The following SAXO1 variants were observed in gnomAD, a reference collection of about 807,000 sequenced individuals.
SAXO1 encodes the protein stabilizer of axonemal microtubules 1.
In SAXO1, 21 loss-of-function variants were observed where a neutral mutation model predicts 17.5. The observed-to-expected ratio is 1.20, with a 90% confidence interval of 0.85 to 1.72. SAXO1 has a LOEUF of 1.72. Among genes scored for constraint, SAXO1 ranks in the 40% most tolerant of loss-of-function variants. SAXO1 has a pLI of 0.00. For missense variants in SAXO1, 843 were observed against 596.0 expected (o/e 1.41, Z -4.32); for synonymous variants, 274 against 216.5 (o/e 1.27, Z -2.33).
chr9:19,046,903 A>G (rs962537464), intron 1 of SAXO1, among the ~76,000 whole-genome samples: 3 of 150,606 alleles, frequency 2.0e-5, no homozygotes, highest in Admixed American at 6.6e-5. Context: ...AAAAGAAAAG[A>G]AGGCCAGGCG....
intron 1 of SAXO1, among the ~76,000 whole-genome samples, chr9:19,010,354 G>T (rs1453709897): frequency 1.3e-5 from 2 of 151,946 alleles, no homozygotes; most frequent in Non-Finnish European, 2.9e-5. Context: ...TTCTGAATCA[G>T]TCTTTCCATC....
At chr9:19,026,882 A>G (rs1835495956) in intron 1 of SAXO1, 1 of 706,798 alleles carries the variant, frequency 1.4e-6, no homozygotes. Context: ...TTCAAAAACT[A>G]GAAAAGAAGA....
intron 1 of SAXO1, among the ~76,000 whole-genome samples, chr9:18,980,357 G>C (rs1206939133): frequency 6.6e-6 from 1 of 151,996 alleles, no homozygotes; most frequent in Non-Finnish European, 1.5e-5. Flanking sequence ...GCTGTGGTAG[G>C]TCATATTTGG....
intron 1 of SAXO1, among the ~76,000 whole-genome samples, chr9:18,975,138 G>T (rs1368591777): frequency 6.6e-6 from 1 of 152,198 alleles, no homozygotes; most frequent in African/African-American, 2.4e-5. Flanking sequence ...GAGATTTCCA[G>T]GGGAAGTTGG....
At chr9:18,957,747 G>T (rs577172594) in intron 1 of SAXO1, among the ~76,000 whole-genome samples, 1 of 152,118 alleles carries the variant, frequency 6.6e-6, no homozygotes, top group African/African-American at 2.4e-5. Context: ...CCTTCTCAAA[G>T]AAGGATCTAT....
In SAXO1 at chr9:19,027,199, A is replaced by C. The variant is rs1048831612; in HGVS notation, c.38+5672T>G. On this transcript the variant is annotated intron_variant, in intron 1 of 3. Transcript: ENST00000380534. ...ATTGACCTGGACTCCCAGAGGAAGG[A>C]CAAGTGTGCTGTGATCAAAACCTCT... 3 of 1,183,490 alleles carry C rather than the reference A, an allele frequency of 2.5e-6. No homozygotes were observed. The Admixed American group carries it at 5.1e-5, about 20-fold the overall frequency. The allele number at this position is 1,183,490 out of a possible 1,614,324, so 73.3% of individuals were successfully genotyped here.
chr9:18,947,648 A>G (rs1209377138), intron 2 of SAXO1: 2 of 152,190 alleles, frequency 1.3e-5, no homozygotes, highest in Non-Finnish European at 2.9e-5. Context: ...TGACATGCCT[A>G]TGGGGAAATG....
intron 1 of SAXO1, among the ~76,000 whole-genome samples, chr9:18,997,738 G>T (rs1184069622): frequency 2.6e-5 from 4 of 152,114 alleles, no homozygotes; most frequent in African/African-American, 9.6e-5. Flanking sequence ...TCATACAGGT[G>T]GGTGCCGATC....
chr9:19,005,946 A>AC (rs1834466771), intron 1 of SAXO1, among the ~76,000 whole-genome samples: 1 of 151,666 alleles, frequency 6.6e-6, no homozygotes, highest in Non-Finnish European at 1.5e-5. Context: ...AAAACAAAAA[A>AC]AACAAACAAA....
At chr9:18,935,188 A>G (rs1399262243) in intron 3 of SAXO1, among the ~76,000 whole-genome samples, 3 of 152,198 alleles carry the variant, frequency 2.0e-5, no homozygotes, top group Non-Finnish European at 4.4e-5. Context: ...TGCTAGGATT[A>G]TAGACGTGAG....
Position 18,928,216 on chromosome 9 carries a change from G to A in SAXO1, c.1261C>T (p.Leu421=), listed in dbSNP as rs773538656. 1 of 1,614,154 alleles carries A rather than the reference G, an allele frequency of 6.2e-7. No individual in the cohort carries two copies. Residue 421 remains leucine, a synonymous_variant, in exon 4 of 4, where the codon CTA becomes TTA. Coordinates refer to ENST00000380534, the MANE Select transcript of SAXO1 (RefSeq NM_153707.4). ...SFTPKEMGRC[L]ASYPEPPGYT... is the part of the protein sequence containing the mutation. Reference sequence around the variant, plus strand: ...CCAGGAGGCTCAGGATATGAAGCTAGGCACCTGCCCATTTCCTTGGGAGTA... The same window carrying A: ...CCAGGAGGCTCAGGATATGAAGCTAAGCACCTGCCCATTTCCTTGGGAGTA...
At chr9:18,978,311 C>T (rs1315554357) in intron 1 of SAXO1, among the ~76,000 whole-genome samples, 2 of 152,192 alleles carry the variant, frequency 1.3e-5, no homozygotes, top group Non-Finnish European at 2.9e-5. Flanking sequence ...CAACCTTTCA[C>T]AGCCACTCAC....
intron 1 of SAXO1, among the ~76,000 whole-genome samples, chr9:18,963,184 C>A (rs1040344620): frequency 5.3e-5 from 8 of 152,174 alleles, no homozygotes; most frequent in Admixed American, 2.0e-4. Flanking sequence ...GAGTACCATG[C>A]TGTTTTGGTT....
chr9:19,013,860 C>T (rs779059351), intron 1 of SAXO1, among the ~76,000 whole-genome samples: 6 of 152,076 alleles, frequency 3.9e-5, no homozygotes, highest in Non-Finnish European at 8.8e-5. Flanking sequence ...ATATTTAAAA[C>T]TCATGAGATT....
At chr9:19,009,984 A>T (rs1808703448) in intron 1 of SAXO1, among the ~76,000 whole-genome samples, 1 of 151,864 alleles carries the variant, frequency 6.6e-6, no homozygotes, top group Admixed American at 6.6e-5. Flanking sequence ...ATACCACCAC[A>T]TCTGGCTAAT....
chr9:18,961,866 G>C (rs1832500089), intron 1 of SAXO1, among the ~76,000 whole-genome samples: 1 of 152,126 alleles, frequency 6.6e-6, no homozygotes. Context: ...TAATGGGATT[G>C]CTGGGTCAAA....
chr9:18,941,520 G>T, intron 3 of SAXO1, 117 bp downstream of exon 3: 1 of 1,166,802 alleles, frequency 8.6e-7, no homozygotes, highest in Non-Finnish European at 1.2e-6. Context: ...GATCTGGCCC[G>T]TAGGAAGTAG....
intron 1 of SAXO1, among the ~76,000 whole-genome samples, chr9:18,994,167 G>A (rs1343663762): frequency 6.6e-6 from 1 of 152,188 alleles, no homozygotes; most frequent in African/African-American, 2.4e-5. Flanking sequence ...GTGTCAAGCA[G>A]TCATGTTTAA....
chr9:18,968,944 A>C (rs1390261902), intron 1 of SAXO1, among the ~76,000 whole-genome samples: 3 of 152,156 alleles, frequency 2.0e-5, no homozygotes, highest in South Asian at 4.1e-4. Context: ...AGGGGTAAAA[A>C]ACATGGCTGG....
Sources: gnomAD v4.1 joint callset for allele counts (sites outside exome capture counted in the v4.1 genomes callset) on GRCh38, gnomAD v4.1.1 for gene constraint, MANE v1.5 for transcripts, NCBI Gene and HGNC (gene_info 2026-07-23, HGNC 2026-07-21) for gene names.